CTDSPL2: variants seen among roughly 807,000 people sequenced by gnomAD.
The protein encoded by CTDSPL2 is CTD small phosphatase-like protein 2.
A neutral mutation model predicts 60.0 loss-of-function variants in CTDSPL2; 5 were observed. The observed-to-expected ratio is 0.08, with a 90% confidence interval of 0.04 to 0.18. The LOEUF (loss-of-function observed/expected upper bound fraction) is 0.18. Among genes scored for constraint, CTDSPL2 ranks in the 10% least tolerant of loss-of-function variants. CTDSPL2 has a pLI of 1.00. For missense variants in CTDSPL2, 370 were observed against 548.8 expected, an observed-to-expected ratio of 0.67 and a Z score of 3.26; for synonymous variants, 186 against 189.3, an observed-to-expected ratio of 0.98 and a Z score of 0.14.
intron 2 of CTDSPL2, among the ~76,000 whole-genome samples, chr15:44,479,407 CTTT>C (rs11414036): frequency 4.1e-5 from 4 of 97,890 alleles, no homozygotes; most frequent in African/African-American, 1.3e-4. Context: ...ATTTTCTTTC[CTTT>C]TTTTTTTTTT....
At chr15:44,437,576 A>G (rs2080002361) in intron 1 of CTDSPL2, among the ~76,000 whole-genome samples, 1 of 152,158 alleles carries the variant, frequency 6.6e-6, no homozygotes, top group African/African-American at 2.4e-5. Flanking sequence ...TGATGTGAAG[A>G]TTGTTTATGT....
intron 1 of CTDSPL2, among the ~76,000 whole-genome samples, chr15:44,439,550 G>C (rs574195079): frequency 4.0e-5 from 6 of 151,528 alleles, no homozygotes; most frequent in South Asian, 4.2e-4. Flanking sequence ...TTTTGGGGGG[G>C]GGGGAATATT....
At chr15:44,433,330 GAA>G (rs1020559472) in intron 1 of CTDSPL2, among the ~76,000 whole-genome samples, 4 of 63,894 alleles carry the variant, frequency 6.3e-5, no homozygotes, top group Admixed American at 1.8e-4. Flanking sequence ...CTGTCTCAAA[GAA>G]AAAAAAAAAA....
At position 44,494,034 on chromosome 15, in the gene CTDSPL2, A is replaced by T. The variant is rs529192501; in HGVS notation, c.692-2346A>T. Among the ~76,000 whole-genome samples the T allele has an allele frequency of 1.1e-3, 175 of 152,292 alleles. 2 individuals are homozygous for T. In the South Asian group the frequency reaches 0.035, roughly 31 times the overall value. On this transcript the variant is annotated intron_variant, in intron 5 of 12. Transcript: ENST00000260327. ...AAAAGATTAATTTTTGTCTTGAAAG[A>T]CTATTATCTACCATTTCATTTCTAT... is the stretch of plus-strand genomic sequence containing the variant.
chr15:44,498,159 A>T (rs2081332595), intron 7 of CTDSPL2, among the ~76,000 whole-genome samples: 1 of 152,156 alleles, frequency 6.6e-6, no homozygotes, highest in Admixed American at 6.5e-5. Flanking sequence ...AAGGCTAGTA[A>T]AGTGAAGCCC....
chr15:44,494,293 T>A (rs997953024), intron 5 of CTDSPL2, among the ~76,000 whole-genome samples: 2 of 152,178 alleles, frequency 1.3e-5, no homozygotes, highest in Admixed American at 1.3e-4. Flanking sequence ...TAAGTGTTTA[T>A]AAATTAGAAG....
At chr15:44,464,215 A>G (rs1052018246) in intron 2 of CTDSPL2, among the ~76,000 whole-genome samples, 11 of 152,222 alleles carry the variant, frequency 7.2e-5, no homozygotes, top group African/African-American at 2.2e-4. Flanking sequence ...CTATTTGCCA[A>G]GCACTGTCCT....
chr15:44,473,449 C>G (rs988896875), intron 2 of CTDSPL2, among the ~76,000 whole-genome samples: 6 of 152,178 alleles, frequency 3.9e-5, no homozygotes, highest in African/African-American at 1.4e-4. Context: ...GCGCCCGCCA[C>G]CACGCCCAGC....
rs182345433 is a variant in CTDSPL2 at position 44,460,836 on chromosome 15, A to G, written c.186+1636A>G. Among the ~76,000 whole-genome samples the G allele has an allele frequency of 3.1e-3, 474 of 152,340 alleles. 8 individuals carry two copies. Among genetic ancestry groups the G allele is most frequent in the Non-Finnish European group, 1.4e-3 (92 of 68,028 alleles). On this transcript the variant is annotated intron_variant, in intron 2 of 12. Transcript: ENST00000260327. ...TGTTATCATATAACAAAGATGAAATATCTTCCAGAAACCTGAATTTCCATC... is the reference window on the plus strand; with the variant it reads ...TGTTATCATATAACAAAGATGAAATGTCTTCCAGAAACCTGAATTTCCATC...
At chr15:44,469,282 T>A (rs2080758194) in intron 2 of CTDSPL2, among the ~76,000 whole-genome samples, 1 of 152,226 alleles carries the variant, frequency 6.6e-6, no homozygotes, top group African/African-American at 2.4e-5. Flanking sequence ...CATGAAATAT[T>A]ATTGTTCTTT....
chr15:44,468,451 C>T (rs1372720590), intron 2 of CTDSPL2, among the ~76,000 whole-genome samples: 3 of 151,908 alleles, frequency 2.0e-5, no homozygotes, highest in African/African-American at 7.3e-5. Context: ...TTTCATTATT[C>T]GTTCAAAGGG....
At chr15:44,428,588 C>T (rs1169492627) in intron 1 of CTDSPL2, among the ~76,000 whole-genome samples, 3 of 152,146 alleles carry the variant, frequency 2.0e-5, no homozygotes, top group Middle Eastern at 3.2e-3. Flanking sequence ...TCTAAGAGCT[C>T]GTAAACTTAC....
intron 8 of CTDSPL2, chr15:44,501,898 T>G: frequency 2.4e-6 from 1 of 425,022 alleles, no homozygotes; most frequent in Non-Finnish European, 4.6e-6. Context: ...TGGGTTAGGG[T>G]TCCCCCAGTT....
intron 2 of CTDSPL2, among the ~76,000 whole-genome samples, chr15:44,477,197 C>G (rs148926270): frequency 1.3e-5 from 2 of 152,218 alleles, no homozygotes; most frequent in African/African-American, 4.8e-5. Context: ...CCACTGCACT[C>G]TAGCCTGAGT....
intron 1 of CTDSPL2, among the ~76,000 whole-genome samples, chr15:44,442,152 G>GA (rs945851150): frequency 2.2e-4 from 33 of 152,042 alleles, no homozygotes; most frequent in African/African-American, 7.7e-4. Flanking sequence ...TTCCTAGGGG[G>GA]AAAAAACATA....
rs960662566 is a variant in CTDSPL2, at chr15:44,527,514, T to A, written c.*3340T>A. 1.3e-5 allele frequency: 2 copies of A among 152,186 alleles called. No homozygotes were observed. The highest frequency in any genetic ancestry group is 3.8e-4 in the East Asian group (2 of 5,206). 9.4% of individuals were successfully genotyped at this position (152,186 alleles called of 1,614,324 possible). A position where few individuals can be genotyped will look rare whatever the true frequency, so the allele number is the denominator to read the frequency against. On this transcript the variant is annotated 3_prime_UTR_variant, in exon 13 of 13. Transcript: ENST00000260327. ...AATTCTTCATAAGGACCAGATCTCTTCCATGTCTGTGTCAATCACATAAAG... is the reference window on the plus strand; with the variant it reads ...AATTCTTCATAAGGACCAGATCTCTACCATGTCTGTGTCAATCACATAAAG...
intron 2 of CTDSPL2, among the ~76,000 whole-genome samples, chr15:44,481,287 C>T (rs1222845248): frequency 1.3e-5 from 2 of 152,204 alleles, no homozygotes; most frequent in Non-Finnish European, 2.9e-5. Flanking sequence ...GCTTCCTCTT[C>T]CGTTTTTGTA....
At chr15:44,448,578 G>T in intron 1 of CTDSPL2, 1 of 292,786 alleles carries the variant, frequency 3.4e-6, no homozygotes. Flanking sequence ...TTCTGCCCAT[G>T]TTCATCCCAG....
In CTDSPL2 at chr15:44,496,967, GTAA is replaced by G. The variant is rs1159792236; in HGVS notation, c.771-58_771-56del. 8 of 915,018 alleles carry G rather than the reference GTAA, an allele frequency of 8.7e-6. No homozygotes were observed. In the African/African-American group the frequency reaches 1.2e-4, roughly 14 times the overall value. The allele number at this position is 915,018 out of a possible 1,614,324, so 56.7% of individuals were successfully genotyped here. ...TAGATTTTTAAATGGGCTGAGCTTA[GTAA>G]TGTTCTATATGTATAAAAAGTAAAA... On this transcript the variant is annotated intron_variant, in intron 6 of 12. Coordinates refer to ENST00000260327, the MANE Select transcript of CTDSPL2 (RefSeq NM_016396.3).
Sources: allele counts gnomAD v4.1 joint callset (sites outside exome capture counted in the v4.1 genomes callset), GRCh38; gene constraint gnomAD v4.1.1; transcripts MANE v1.5; gene names NCBI Gene and HGNC (gene_info 2026-07-23, HGNC 2026-07-21).